The following DRD2 variants were observed in gnomAD, a reference collection of about 807,000 sequenced individuals.
The protein encoded by DRD2 is dopamine receptor D2.
A neutral mutation model predicts 38.0 loss-of-function variants in DRD2; 8 were observed. That is an observed-to-expected ratio of 0.21 (90% confidence interval 0.12 to 0.38). DRD2 has a LOEUF of 0.38. Among genes scored for constraint, DRD2 ranks in the 10% least tolerant of loss-of-function variants. The pLI is 1.00. For missense variants in DRD2, 403 were observed against 607.7 expected, an observed-to-expected ratio of 0.66 and a Z score of 3.54; for synonymous variants, 230 against 238.6, an observed-to-expected ratio of 0.96 and a Z score of 0.33.
chr11:113,427,844 G>A (rs539378098), intron 1 of DRD2, among the ~76,000 whole-genome samples: 1 of 152,314 alleles, frequency 6.6e-6, no homozygotes, highest in Non-Finnish European at 1.5e-5. Flanking sequence ...TTAGGATACA[G>A]GGCCTTTAAA....
intron 1 of DRD2, among the ~76,000 whole-genome samples, chr11:113,473,220 A>C (rs10891554): frequency 0.79 from 119,835 of 152,092 alleles, 49,786 homozygotes; most frequent in Middle Eastern, 0.94. Flanking sequence ...AATAAACTTG[A>C]TTTCCATTTT....
chr11:113,468,796 C>T (rs1464814147), intron 1 of DRD2, among the ~76,000 whole-genome samples: 1 of 152,142 alleles, frequency 6.6e-6, no homozygotes, highest in African/African-American at 2.4e-5. Flanking sequence ...AATCTGCCCA[C>T]CTCAGCCTCC....
intron 4 of DRD2, 67 bp downstream of exon 4, chr11:113,416,796 C>T (rs1298297556): frequency 2.5e-6 from 4 of 1,587,784 alleles, no homozygotes; most frequent in Middle Eastern, 1.7e-4. Context: ...TCTGCTCCCT[C>T]AGGGCCCTTC....
chr11:113,454,590 C>T (rs1171595925), intron 1 of DRD2, among the ~76,000 whole-genome samples: 1 of 152,036 alleles, frequency 6.6e-6, no homozygotes, highest in African/African-American at 2.4e-5. Context: ...GGCTGAAGGG[C>T]AGAACAGAAA....
At chr11:113,447,740 C>T (rs1367470341) in intron 1 of DRD2, 2 of 152,188 alleles carry the variant, frequency 1.3e-5, no homozygotes, top group Non-Finnish European at 2.9e-5. Flanking sequence ...CCTGCTCTGC[C>T]CCACATTTCC....
At chr11:113,436,659 T>G (rs754225116) in intron 1 of DRD2, among the ~76,000 whole-genome samples, 2 of 152,200 alleles carry the variant, frequency 1.3e-5, no homozygotes, top group Non-Finnish European at 2.9e-5. Flanking sequence ...GGCCATAATT[T>G]GATCGTGGTT....
At position 113,410,550 on chromosome 11, in the gene DRD2, C is replaced by G. The variant is rs922560335; in HGVS notation, c.*177G>C. On this transcript the variant is annotated 3_prime_UTR_variant, in exon 8 of 8. Transcript: ENST00000362072. ...GCCCAGCTCACTAGCACTGCCCTGG[C>G]AGAGTGAGGGTGTGCGGGCAGTGAG... 1.8e-5 allele frequency: 15 copies of G among 831,858 alleles called. No individual in the cohort carries two copies. The highest frequency in any genetic ancestry group is 2.7e-5 in the Non-Finnish European group (14 of 511,866). The allele number at this position is 831,858 out of a possible 1,614,324, so 51.5% of individuals were successfully genotyped here. A position where few individuals can be genotyped will look rare whatever the true frequency, so the allele number is the denominator to read the frequency against.
intron 1 of DRD2, among the ~76,000 whole-genome samples, 191 bp downstream of exon 1, chr11:113,474,885 C>T (rs1951465369): frequency 6.6e-6 from 1 of 152,100 alleles, no homozygotes; most frequent in Admixed American, 6.5e-5. Flanking sequence ...ATAGCAGCCG[C>T]GGGCTCCAGA....
intron 2 of DRD2, among the ~76,000 whole-genome samples, chr11:113,420,878 C>G (rs1241253160): frequency 6.6e-6 from 1 of 152,150 alleles, no homozygotes; most frequent in Non-Finnish European, 1.5e-5. Flanking sequence ...ACCCAAGGCT[C>G]TTTTCTTCAC....
At chr11:113,467,404 T>C (rs2119992396) in intron 1 of DRD2, among the ~76,000 whole-genome samples, 1 of 152,290 alleles carries the variant, frequency 6.6e-6, no homozygotes, top group East Asian at 1.9e-4. Flanking sequence ...ACTGTTTCCA[T>C]CCTCCTTTCT....
At position 113,415,574 on chromosome 11, in the gene DRD2, C is replaced by T. The variant is rs1184425341; in HGVS notation, c.570G>A (p.Val190=). 14 of 1,613,946 alleles carry T rather than the reference C, an allele frequency of 8.7e-6. No homozygotes were observed. Among genetic ancestry groups the T allele is most frequent in the Non-Finnish European group, 1.2e-5 (14 of 1,179,992 alleles). Residue 190 remains valine, a synonymous_variant, in exon 5 of 8, where the codon GTG becomes GTA. Coordinates refer to ENST00000362072, the MANE Select transcript of DRD2 (RefSeq NM_000795.4). ...NECIIANPAF[V]VYSSIVSFYV... ...AGAAGGAGACGATGGAGGAGTAGAC[C>T]ACGAAGGCCGGGTTGGCAATGATGC... is the stretch of plus-strand genomic sequence containing the variant.
intron 6 of DRD2, 127 bp from the exon 7 acceptor site, chr11:113,413,010 G>A (rs150788238): frequency 3.7e-6 from 4 of 1,089,818 alleles, no homozygotes; most frequent in Middle Eastern, 3.0e-4. Flanking sequence ...ACCCTGCCAG[G>A]GAGGCAAGGA....
chr11:113,443,827 A>C (rs1208917767), intron 1 of DRD2, among the ~76,000 whole-genome samples: 1 of 152,242 alleles, frequency 6.6e-6, no homozygotes, highest in African/African-American at 2.4e-5. Flanking sequence ...CAAACAAAAA[A>C]CCTAACTAGT....
chr11:113,441,822 A>C (rs1434739970), intron 1 of DRD2, among the ~76,000 whole-genome samples: 1 of 152,046 alleles, frequency 6.6e-6, no homozygotes, highest in Non-Finnish European at 1.5e-5. Flanking sequence ...ATCTCTACTA[A>C]AAATATAAAA....
rs118137160 is a variant in DRD2 at position 113,413,534 on chromosome 11, G to A, written c.811-651C>T. Among the ~76,000 whole-genome samples the A allele has an allele frequency of 3.5e-4, 53 of 152,308 alleles. No homozygotes were observed. The East Asian group carries it at 9.6e-3, about 28-fold the overall frequency. On this transcript the variant is annotated intron_variant, in intron 6 of 7. Transcript: ENST00000362072. ...GGAGGTGTTAGTCTGAACTTCTAAAGTGCAGCCTCACTATGTGCCTAGGTG... is the reference window on the plus strand; with the variant it reads ...GGAGGTGTTAGTCTGAACTTCTAAAATGCAGCCTCACTATGTGCCTAGGTG...
intron 6 of DRD2, chr11:113,413,430 G>A: frequency 8.0e-6 from 4 of 502,524 alleles, no homozygotes; most frequent in South Asian, 5.8e-5. Context: ...CTTCCCTGCT[G>A]GGGTGACCTA....
chr11:113,460,538 G>A (rs1333829229), intron 1 of DRD2, among the ~76,000 whole-genome samples: 1 of 152,240 alleles, frequency 6.6e-6, no homozygotes, highest in East Asian at 1.9e-4. Context: ...AATGTTCAGA[G>A]GCACTGCCTG....
intron 1 of DRD2, among the ~76,000 whole-genome samples, chr11:113,425,769 TAGA>T (rs1268921454): frequency 1.3e-5 from 2 of 151,598 alleles, no homozygotes; most frequent in Admixed American, 1.3e-4. Flanking sequence ...TGGGATGAAG[TAGA>T]AGGAGGACTT....
intron 1 of DRD2, among the ~76,000 whole-genome samples, chr11:113,430,718 G>A (rs946729933): frequency 6.6e-6 from 1 of 152,134 alleles, no homozygotes; most frequent in African/African-American, 2.4e-5. Flanking sequence ...TCATGGTAGC[G>A]GAGTGAGGAA....
Sources: gnomAD v4.1 joint callset for allele counts (sites outside exome capture counted in the v4.1 genomes callset) on GRCh38, gnomAD v4.1.1 for gene constraint, MANE v1.5 for transcripts, NCBI Gene and HGNC (gene_info 2026-07-23, HGNC 2026-07-21) for gene names.